Variants in F13A1 observed in about 807,000 individuals in gnomAD.
The protein encoded by F13A1 is coagulation factor XIII A chain.
In F13A1, 47 loss-of-function variants were observed where a neutral mutation model predicts 80.1. The observed-to-expected ratio is 0.59, with a 90% CI of 0.46 to 0.75. The LOEUF (loss-of-function observed/expected upper bound fraction) is 0.75, where lower values mean the gene tolerates loss of function less well. Among genes scored for constraint, F13A1 ranks in the 30% least tolerant of loss-of-function variants. The pLI, the probability that F13A1 is intolerant of heterozygous loss-of-function variation, is 0.00. For synonymous variants in F13A1, 349 were observed against 344.9 expected, an observed-to-expected ratio of 1.01 and a Z score of -0.13; for missense variants, 817 against 930.4, an observed-to-expected ratio of 0.88 and a Z score of 1.59.
intron 8 of F13A1, among the ~76,000 whole-genome samples, chr6:6,207,610 T>C (rs1300718194): frequency 6.6e-6 from 1 of 152,172 alleles, no homozygotes; most frequent in Non-Finnish European, 1.5e-5. Context: ...TCATCTCTCA[T>C]CTCTGGTTGA....
At chr6:6,206,771 C>T (rs953303808) in intron 8 of F13A1, among the ~76,000 whole-genome samples, 4 of 151,488 alleles carry the variant, frequency 2.6e-5, no homozygotes, top group East Asian at 1.9e-4. Flanking sequence ...TATCATGCCC[C>T]GTAATGTATG....
At chr6:6,256,419 A>G (rs1220589801) in intron 4 of F13A1, among the ~76,000 whole-genome samples, 4 of 152,148 alleles carry the variant, frequency 2.6e-5, no homozygotes, top group Non-Finnish European at 5.9e-5. Flanking sequence ...CAGATTACAC[A>G]TGGCACCATT....
intron 8 of F13A1, among the ~76,000 whole-genome samples, chr6:6,202,908 C>T (rs1420539390): frequency 1.3e-5 from 2 of 152,220 alleles, no homozygotes; most frequent in Non-Finnish European, 2.9e-5. Context: ...AACAGCAGCA[C>T]CATCCCCTGC....
intron 6 of F13A1, among the ~76,000 whole-genome samples, chr6:6,227,776 ACT>A (rs1491110156): frequency 6.6e-6 from 1 of 152,186 alleles, no homozygotes; most frequent in Non-Finnish European, 1.5e-5. Context: ...ATAGGGCTGA[ACT>A]CAATCAGCTA....
intron 13 of F13A1, among the ~76,000 whole-genome samples, chr6:6,166,073 A>G (rs1760666445): frequency 6.6e-6 from 1 of 152,252 alleles, no homozygotes; most frequent in African/African-American, 2.4e-5. Context: ...GTTCAGTTGA[A>G]GGAGCTGGTT....
At chr6:6,158,534 A>G (rs557404549) in intron 13 of F13A1, among the ~76,000 whole-genome samples, 1 of 152,276 alleles carries the variant, frequency 6.6e-6, no homozygotes, top group East Asian at 1.9e-4. Context: ...TCGGTTTCTC[A>G]GGGGTTAGAG....
At position 6,250,969 on chromosome 6, in the gene F13A1, G is replaced by T; in HGVS notation, c.572-40C>A. 7.1e-7 allele frequency: 1 copy of T among 1,400,882 alleles called. No homozygotes were observed. The highest frequency in any genetic ancestry group is 1.0e-6 in the Non-Finnish European group (1 of 987,992). 86.8% of individuals were successfully genotyped at this position (1,400,882 alleles called of 1,614,324 possible). On this transcript the variant is annotated intron_variant, in intron 4 of 14. Transcript: ENST00000264870. The surrounding 1 kb of genome is among the most constrained non-coding windows in gnomAD (Gnocchi z 4.2). ...AAACATAGTGACTATTACCAAACCA[G>T]ACTGTTTCCAAACACTTGCAAGTTT... is the stretch of plus-strand genomic sequence containing the variant.
chr6:6,209,293 C>T (rs1761553066), intron 8 of F13A1, among the ~76,000 whole-genome samples: 1 of 149,252 alleles, frequency 6.7e-6, no homozygotes, highest in Admixed American at 6.6e-5. Flanking sequence ...AATACCACTT[C>T]ACACCCATTA....
intron 6 of F13A1, among the ~76,000 whole-genome samples, chr6:6,241,303 C>A (rs1757480883): frequency 2.0e-5 from 3 of 152,066 alleles, no homozygotes; most frequent in African/African-American, 7.2e-5. Flanking sequence ...GCTGTTGTCG[C>A]TTTTATAAAA....
intron 6 of F13A1, among the ~76,000 whole-genome samples, chr6:6,234,355 T>C (rs981208439): frequency 1.1e-4 from 16 of 151,888 alleles, no homozygotes; most frequent in African/African-American, 7.2e-5. Flanking sequence ...TTTACACACA[T>C]TGTCGAACAT....
chr6:6,171,331 C>T (rs545749622), intron 12 of F13A1, among the ~76,000 whole-genome samples: 7 of 152,170 alleles, frequency 4.6e-5, no homozygotes, highest in African/African-American at 1.2e-4. Context: ...ACTCATCTCT[C>T]GAGCTTCAGT....
chr6:6,246,744 G>A (rs1016196554), intron 6 of F13A1, among the ~76,000 whole-genome samples: 1 of 152,174 alleles, frequency 6.6e-6, no homozygotes. Flanking sequence ...TTTTGCACTG[G>A]CTTCTGCTAG....
intron 2 of F13A1, among the ~76,000 whole-genome samples, chr6:6,317,405 A>G (rs1298853111): frequency 6.6e-6 from 1 of 152,002 alleles, no homozygotes; most frequent in Non-Finnish European, 1.5e-5. Flanking sequence ...TAGCCCCTCA[A>G]ACTCTACCAC....
intron 6 of F13A1, among the ~76,000 whole-genome samples, chr6:6,247,381 TTTGA>T (rs1583092525): frequency 6.6e-6 from 1 of 152,198 alleles, no homozygotes; most frequent in Non-Finnish European, 1.5e-5. Context: ...TTTTTCAGTC[TTTGA>T]TTGTTTGAAA....
At chr6:6,216,262 C>A (rs1479946970) in intron 8 of F13A1, among the ~76,000 whole-genome samples, 2 of 151,958 alleles carry the variant, frequency 1.3e-5, no homozygotes, top group African/African-American at 4.8e-5. Flanking sequence ...CATCACACTA[C>A]CTGACTTCAA....
In F13A1 at chr6:6,151,991, C is replaced by T. The variant is rs182855037; in HGVS notation, c.1909-42G>A. 19 of 1,611,144 alleles carry T rather than the reference C, an allele frequency of 1.2e-5. No individual in the cohort carries two copies. In the East Asian group the frequency reaches 2.0e-4, roughly 17 times the overall value. On this transcript the variant is annotated intron_variant, in intron 13 of 14. Transcript: ENST00000264870. ...AGGTCATTAGCACCAAATAAAACCT[C>T]GTTCTGCTCTCTTGTTGTCTTAACC... is the stretch of plus-strand genomic sequence containing the variant.
At chr6:6,236,019 C>T (rs770330339) in intron 6 of F13A1, among the ~76,000 whole-genome samples, 21 of 152,170 alleles carry the variant, frequency 1.4e-4, no homozygotes, top group Non-Finnish European at 2.4e-4. Context: ...GCTCAGAATA[C>T]AGTAAGGAAG....
chr6:6,224,615 G>C lies in F13A1; in HGVS notation c.973+71C>G. 4.9e-6 allele frequency: 7 copies of C among 1,430,076 alleles called. No individual in the cohort carries two copies. The South Asian group carries it at 8.2e-5, about 17-fold the overall frequency. The allele number at this position is 1,430,076 out of a possible 1,614,324, so 88.6% of individuals were successfully genotyped here. ...CAGGGGCTGCTATGTCTCTTTGTTA[G>C]GTTATAGAAAAAATGTCTTAGAGTG... On this transcript the variant is annotated intron_variant, in intron 7 of 14. Coordinates refer to ENST00000264870, the MANE Select transcript of F13A1 (RefSeq NM_000129.4).
chr6:6,275,085 T>G (rs879678182), intron 3 of F13A1, among the ~76,000 whole-genome samples: 1 of 151,994 alleles, frequency 6.6e-6, no homozygotes, highest in Non-Finnish European at 1.5e-5. Flanking sequence ...GAAAGATCAG[T>G]CTGTCTGCAA....
Sources: allele counts gnomAD v4.1 joint callset (sites outside exome capture counted in the v4.1 genomes callset), GRCh38; gene constraint gnomAD v4.1.1; non-coding constraint Gnocchi (gnomAD v3.1); transcripts MANE v1.5; gene names NCBI Gene and HGNC (gene_info 2026-07-23, HGNC 2026-07-21).